COL25A1: variants seen among roughly 807,000 people sequenced by gnomAD.
COL25A1 encodes collagen alpha-1(XXV) chain.
COL25A1 carries 103 observed loss-of-function variants against 128.4 expected under a neutral mutation model. The observed-to-expected ratio is 0.80, with a 90% CI of 0.68 to 0.94. The LOEUF is 0.94. COL25A1 is among the 40% of genes least tolerant of loss of function. COL25A1 has a pLI of 0.00. For missense variants in COL25A1, 745 were observed against 840.0 expected, an observed-to-expected ratio of 0.89 and a Z score of 1.40; for synonymous variants, 279 against 277.2, an observed-to-expected ratio of 1.01 and a Z score of -0.06.
intron 6 of COL25A1, among the ~76,000 whole-genome samples, chr4:108,989,485 G>A (rs1753966307): frequency 6.6e-6 from 1 of 152,072 alleles, no homozygotes; most frequent in Non-Finnish European, 1.5e-5. Flanking sequence ...TATCAATTAA[G>A]GATACATCAG....
chr4:109,273,836 C>T (rs1213091160), intron 3 of COL25A1, among the ~76,000 whole-genome samples: 3 of 152,018 alleles, frequency 2.0e-5, no homozygotes, highest in Non-Finnish European at 4.4e-5. Flanking sequence ...GACCTACTGT[C>T]CAAGTTATTG....
At chr4:109,074,587 A>G (rs993151874) in intron 3 of COL25A1, among the ~76,000 whole-genome samples, 3 of 152,192 alleles carry the variant, frequency 2.0e-5, no homozygotes, top group Non-Finnish European at 4.4e-5. Context: ...ACAGTATGAA[A>G]TTTATATAGG....
At chr4:108,891,863 A>C (rs1250414894) in intron 16 of COL25A1, among the ~76,000 whole-genome samples, 1 of 152,176 alleles carries the variant, frequency 6.6e-6, no homozygotes, top group African/African-American at 2.4e-5. Flanking sequence ...ATAATCCCTA[A>C]TGTGAATAAA....
intron 3 of COL25A1, among the ~76,000 whole-genome samples, chr4:109,086,818 C>T (rs766665629): frequency 1.3e-5 from 2 of 152,182 alleles, no homozygotes; most frequent in Admixed American, 6.5e-5. Context: ...TGCAATGCAG[C>T]GGGCTCCCCT....
chr4:109,096,095 A>C (rs1765375746), intron 3 of COL25A1, among the ~76,000 whole-genome samples: 1 of 152,152 alleles, frequency 6.6e-6, no homozygotes, highest in South Asian at 2.1e-4. Context: ...GAGCCAAATG[A>C]ATGTTGTCAT....
In COL25A1 at chr4:108,873,522, C is replaced by CTAGTAG. The variant is rs58240378; in HGVS notation, c.1021-4378_1021-4373dup. 6.0e-3 allele frequency among the ~76,000 whole-genome samples: 889 copies of CTAGTAG among 147,232 alleles called. 6 individuals are homozygous for CTAGTAG. Among genetic ancestry groups the CTAGTAG allele is most frequent in the African/African-American group, 8.6e-3 (347 of 40,212 alleles). ...TTACAGGCTTACAAATGTTAGCTGT[C>CTAGTAG]TAGTAGTAGTAGTAGTAGTAGTAGT... On this transcript the variant is annotated intron_variant, in intron 19 of 37. Coordinates refer to ENST00000399132, the MANE Select transcript of COL25A1 (RefSeq NM_198721.4).
intron 8 of COL25A1, among the ~76,000 whole-genome samples, chr4:108,970,351 T>C (rs919222392): frequency 5.3e-5 from 8 of 152,220 alleles, no homozygotes; most frequent in African/African-American, 1.9e-4. Context: ...CAATCCAAAA[T>C]TTTCCATCTA....
intron 3 of COL25A1, among the ~76,000 whole-genome samples, chr4:109,146,943 T>C (rs1770998592): frequency 6.6e-6 from 1 of 152,180 alleles, no homozygotes; most frequent in South Asian, 2.1e-4. Context: ...GAAATAAACA[T>C]TTCATAGCTA....
intron 3 of COL25A1, among the ~76,000 whole-genome samples, chr4:109,065,109 C>A (rs1198745279): frequency 6.6e-6 from 1 of 152,172 alleles, no homozygotes; most frequent in Admixed American, 6.5e-5. Flanking sequence ...GCCCCTCGGA[C>A]TGGACTGATG....
intron 3 of COL25A1, among the ~76,000 whole-genome samples, chr4:109,221,508 C>A (rs1407093803): frequency 6.6e-6 from 1 of 152,054 alleles, no homozygotes; most frequent in East Asian, 1.9e-4. Context: ...TTTTGCTGAC[C>A]TTAAAATATA....
intron 3 of COL25A1, among the ~76,000 whole-genome samples, chr4:109,265,810 A>C (rs971171733): frequency 6.6e-6 from 1 of 152,198 alleles, no homozygotes; most frequent in African/African-American, 2.4e-5. Flanking sequence ...ATAAGCACTC[A>C]GAAAAGCAAC....
At chr4:108,824,073 T>C in intron 35 of COL25A1, 101 bp downstream of exon 35, 1 of 1,613,544 alleles carries the variant, frequency 6.2e-7, no homozygotes, top group Non-Finnish European at 8.5e-7. Context: ...GAGCACAGGA[T>C]GGAGAAAGAT....
chr4:108,982,548 T>C (rs1157924371), intron 6 of COL25A1, among the ~76,000 whole-genome samples: 1 of 152,084 alleles, frequency 6.6e-6, no homozygotes, highest in Non-Finnish European at 1.5e-5. Context: ...TATAAAGCAT[T>C]ATAGAAGAAC....
chr4:109,188,394 G>A (rs1775320930), intron 3 of COL25A1, among the ~76,000 whole-genome samples: 1 of 152,130 alleles, frequency 6.6e-6, no homozygotes, highest in Admixed American at 6.6e-5. Context: ...GAAGCTTTCA[G>A]AAAGCAACGC....
chr4:109,013,168 GC>G lies in COL25A1; in HGVS notation c.421-2794del, dbSNP rs573037163. ...CGCACCAATCAGTGCTCTGTGTCTA[GC>G]TCAAAGTTTGTAAACGCACCAATCA... is the stretch of plus-strand genomic sequence containing the variant. On this transcript the variant is annotated intron_variant, in intron 5 of 37. Transcript: ENST00000399132. Among the ~76,000 whole-genome samples, 358 of 152,242 alleles carry G rather than the reference GC, an allele frequency of 2.4e-3. 1 individual carries two copies. The highest frequency in any genetic ancestry group is 7.7e-3 in the African/African-American group (318 of 41,552).
At chr4:109,051,020 G>T (rs1249037031) in intron 3 of COL25A1, among the ~76,000 whole-genome samples, 1 of 152,130 alleles carries the variant, frequency 6.6e-6, no homozygotes, top group Non-Finnish European at 1.5e-5. Context: ...CCTTGGGCAG[G>T]AGTAGCCTTG....
At chr4:108,953,447 T>A (rs1214799071) in intron 8 of COL25A1, among the ~76,000 whole-genome samples, 1 of 152,208 alleles carries the variant, frequency 6.6e-6, no homozygotes, top group African/African-American at 2.4e-5. Context: ...CGTTTGAACA[T>A]CCTGTAATTA....
At chr4:109,169,666 T>TA (rs1274352604) in intron 3 of COL25A1, among the ~76,000 whole-genome samples, 1 of 152,160 alleles carries the variant, frequency 6.6e-6, no homozygotes, top group Non-Finnish European at 1.5e-5. Context: ...AATGAATCTA[T>TA]AAAAAAACTA....
rs775992572 is a variant in COL25A1 at position 108,896,705 on chromosome 4, C to T, written c.868G>A (p.Ala290Thr). The change falls in exon 16 of 38, where the codon GCT becomes ACT. Residue 290 changes from alanine (A) to threonine (T), a missense_variant. Physicochemically the swap from Ala to Thr is moderately conservative, Grantham distance 58 (BLOSUM62 0). This residue lies in a region of COL25A1 where 39 missense variants were observed against 73.3 expected (regional missense o/e 0.53). Coordinates refer to ENST00000399132, the MANE Select transcript of COL25A1 (RefSeq NM_198721.4). ...EPGEQGEKGD[A>T]GENGPKGDTG... is the part of the protein sequence containing the mutation. Reference sequence around the variant, plus strand: ...TCACCCTTGGGGCCGTTCTCTCCAGCGTCTCCCTGAGGAGGTGAGAAAGTG... The same window carrying T: ...TCACCCTTGGGGCCGTTCTCTCCAGTGTCTCCCTGAGGAGGTGAGAAAGTG... 9.9e-6 allele frequency: 16 copies of T among 1,613,708 alleles called. No individual in the cohort carries two copies. Among genetic ancestry groups the T allele is most frequent in the Middle Eastern group, 1.6e-4 (1 of 6,082 alleles).
Sources: allele counts gnomAD v4.1 joint callset (sites outside exome capture counted in the v4.1 genomes callset), GRCh38; gene constraint gnomAD v4.1.1; regional missense constraint gnomAD v4.1.1; transcripts MANE v1.5; gene names NCBI Gene and HGNC (gene_info 2026-07-23, HGNC 2026-07-21).